Variants in MEGF11 observed in about 807,000 individuals in gnomAD.
The protein encoded by MEGF11 is multiple epidermal growth factor-like domains protein 11.
A neutral mutation model predicts 146.6 loss-of-function variants in MEGF11; 126 were observed. The ratio of observed to expected loss-of-function variants is 0.86; its 90% CI spans 0.74 to 1.00. The LOEUF (loss-of-function observed/expected upper bound fraction) is 1.00. Ranked by LOEUF, MEGF11 falls within the 50% of genes least tolerant of loss-of-function variation. MEGF11 has a pLI of 0.00. For synonymous variants in MEGF11, 532 were observed against 583.4 expected (o/e 0.91, Z 1.27); for missense variants, 1,509 against 1,521.2 (o/e 0.99, Z 0.13).
intron 1 of MEGF11, among the ~76,000 whole-genome samples, chr15:66,162,893 A>G (rs1382604113): frequency 1.3e-5 from 2 of 152,370 alleles, no homozygotes; most frequent in East Asian, 3.8e-4. Context: ...TCTCAGGTGG[A>G]GGTTAAGTTC....
chr15:65,976,265 T>G (rs1396848560), intron 7 of MEGF11, among the ~76,000 whole-genome samples: 1 of 152,128 alleles, frequency 6.6e-6, no homozygotes, highest in Admixed American at 6.6e-5. Context: ...GGTCTTGAAC[T>G]CCTGACCTCA....
intron 5 of MEGF11, among the ~76,000 whole-genome samples, chr15:65,991,177 T>C (rs1691070203): frequency 6.6e-6 from 1 of 152,202 alleles, no homozygotes; most frequent in African/African-American, 2.4e-5. Flanking sequence ...AGGCTGCGGC[T>C]GCATATCCCA....
intron 5 of MEGF11, among the ~76,000 whole-genome samples, chr15:66,033,050 C>T (rs2083587157): frequency 7.2e-6 from 1 of 139,032 alleles, no homozygotes; most frequent in Non-Finnish European, 1.5e-5. Context: ...CACTGCACTC[C>T]AGCCTGGGTG....
At chr15:66,248,981 T>C (rs2092334750) in intron 1 of MEGF11, among the ~76,000 whole-genome samples, 1 of 152,220 alleles carries the variant, frequency 6.6e-6, no homozygotes, top group East Asian at 1.9e-4. Context: ...AACAACTCTT[T>C]TATGGTTCTT....
chr15:66,094,403 G>A lies in MEGF11; in HGVS notation c.393C>T (p.Ser131=), dbSNP rs369433774. Residue 131 remains serine, a splice_region_variant and synonymous_variant, in exon 5 of 26, where the codon AGC becomes AGT. Transcript: ENST00000395614. ...CTGACCCCCAAACCCCAGACTCACCGCTGGAGCAGTCGGGCCCTCCCCAGC... is the reference window on the plus strand; with the variant it reads ...CTGACCCCCAAACCCCAGACTCACCACTGGAGCAGTCGGGCCCTCCCCAGC... ...EPGWGGPDCS[S]GCDSDHWGPH... 5.8e-5 allele frequency: 90 copies of A among 1,555,590 alleles called. No individual in the cohort carries two copies. Among genetic ancestry groups the A allele is most frequent in the Non-Finnish European group, 6.8e-5 (78 of 1,149,052 alleles).
intron 5 of MEGF11, among the ~76,000 whole-genome samples, chr15:66,081,585 G>A (rs2085858669): frequency 6.6e-6 from 1 of 152,058 alleles, no homozygotes; most frequent in African/African-American, 2.4e-5. Context: ...CACCATGTTG[G>A]CCAGGCTGGT....
Position 66,011,606 on chromosome 15 carries a change from T to A in MEGF11, c.395-29118A>T, listed in dbSNP as rs933711218. Among the ~76,000 whole-genome samples the A allele has an allele frequency of 3.9e-5, 6 of 151,958 alleles. No homozygotes were observed. The East Asian group carries it at 9.7e-4, about 24-fold the overall frequency. ...ACTCCTCTGAGTGTTCCCTTCCCCA[T>A]CTGAAGTGGATCCTAATAGCACCTG... On this transcript the variant is annotated intron_variant, in intron 5 of 25. Coordinates refer to ENST00000395614, the MANE Select transcript of MEGF11 (RefSeq NM_001385028.1).
intron 1 of MEGF11, among the ~76,000 whole-genome samples, chr15:66,218,998 C>CAAAAAAAAAAAAAAAAAAAA (rs2091663447): frequency 2.2e-5 from 1 of 45,638 alleles, no homozygotes; most frequent in African/African-American, 1.3e-4. Flanking sequence ...AAAAAAAAAC[C>CAAAAAAAAAAAAAAAAAAAA]TTAACCTAAA....
chr15:66,228,220 G>A (rs1045409946), intron 1 of MEGF11, among the ~76,000 whole-genome samples: 2 of 152,136 alleles, frequency 1.3e-5, no homozygotes, highest in Non-Finnish European at 2.9e-5. Flanking sequence ...TCATATCACA[G>A]CAGGAAGGCT....
chr15:66,094,750 C>T (rs1216497994), intron 4 of MEGF11, among the ~76,000 whole-genome samples: 1 of 152,178 alleles, frequency 6.6e-6, no homozygotes, highest in Admixed American at 6.5e-5. Context: ...GCGGTAACTC[C>T]GTTGGCTTTT....
chr15:65,993,914 C>G (rs749322170), intron 5 of MEGF11, among the ~76,000 whole-genome samples: 15 of 152,286 alleles, frequency 9.8e-5, no homozygotes, highest in Non-Finnish European at 1.6e-4. Context: ...CCCTTCCAGA[C>G]GTCAGTGTCC....
intron 16 of MEGF11, among the ~76,000 whole-genome samples, chr15:65,917,243 G>C (rs1282588576): frequency 6.6e-6 from 1 of 152,182 alleles, no homozygotes; most frequent in Non-Finnish European, 1.5e-5. Flanking sequence ...TCAGGGGACT[G>C]ATTTGGAGCA....
At chr15:66,012,611 T>C (rs977085428) in intron 5 of MEGF11, among the ~76,000 whole-genome samples, 16 of 152,288 alleles carry the variant, frequency 1.1e-4, no homozygotes, top group African/African-American at 3.9e-4. Context: ...GTTCCATTGA[T>C]TGGGCCTGTA....
At chr15:66,139,185 C>G (rs2089029688) in intron 1 of MEGF11, among the ~76,000 whole-genome samples, 1 of 152,212 alleles carries the variant, frequency 6.6e-6, no homozygotes, top group South Asian at 2.1e-4. Context: ...CCTCTGAACT[C>G]TAATTTCCTG....
At chr15:66,142,019 C>T (rs976923588) in intron 1 of MEGF11, among the ~76,000 whole-genome samples, 1 of 152,114 alleles carries the variant, frequency 6.6e-6, no homozygotes, top group African/African-American at 2.4e-5. Context: ...GAAAGGTGAG[C>T]TTGGGGATCA....
At chr15:65,927,398 G>C (rs2079408404) in intron 13 of MEGF11, among the ~76,000 whole-genome samples, 1 of 152,212 alleles carries the variant, frequency 6.6e-6, no homozygotes, top group Non-Finnish European at 1.5e-5. Context: ...GTGGCAGGCA[G>C]TGGATACAAT....
chr15:66,097,175 T>A (rs2086589253), intron 4 of MEGF11, among the ~76,000 whole-genome samples: 1 of 152,234 alleles, frequency 6.6e-6, no homozygotes, highest in Non-Finnish European at 1.5e-5. Context: ...TAAGTGTTGT[T>A]TGAAGCATGA....
At chr15:66,022,244 A>T (rs541527010) in intron 5 of MEGF11, among the ~76,000 whole-genome samples, 4 of 152,320 alleles carry the variant, frequency 2.6e-5, no homozygotes, top group African/African-American at 9.6e-5. Context: ...ATTCCATCAG[A>T]TGTACTCTCT....
chr15:66,158,970 G>T (rs1162575471), intron 1 of MEGF11, among the ~76,000 whole-genome samples: 1 of 152,180 alleles, frequency 6.6e-6, no homozygotes, highest in Admixed American at 6.5e-5. Context: ...CTCTTAAAGG[G>T]ACAACATTTT....
Sources: allele counts gnomAD v4.1 joint callset (sites outside exome capture counted in the v4.1 genomes callset), GRCh38; gene constraint gnomAD v4.1.1; transcripts MANE v1.5; gene names NCBI Gene and HGNC (gene_info 2026-07-23, HGNC 2026-07-21).